MAGI2: variants seen among roughly 807,000 people sequenced by gnomAD.
The protein encoded by MAGI2 is membrane-associated guanylate kinase, WW and PDZ domain-containing protein 2.
MAGI2 carries 35 observed loss-of-function variants against 133.3 expected under a neutral mutation model. That is an observed-to-expected ratio of 0.26 (90% CI 0.20 to 0.35). MAGI2 has a LOEUF of 0.35. Ranked by LOEUF, MAGI2 falls within the 10% of genes least tolerant of loss-of-function variation. The pLI is 1.00. For missense variants in MAGI2, 1,636 were observed against 1,863.4 expected (o/e 0.88, Z 2.25); for synonymous variants, 729 against 710.6 (o/e 1.03, Z -0.41).
chr7:78,140,106 C>T (rs3807707), intron 16 of MAGI2, among the ~76,000 whole-genome samples: 71,981 of 151,880 alleles, frequency 0.47, 17,276 homozygotes, highest in African/African-American at 0.49. Flanking sequence ...TAGTCTACTC[C>T]GGCTCCTTCA....
At chr7:79,021,182 A>G (rs1157211219) in intron 1 of MAGI2, among the ~76,000 whole-genome samples, 1 of 152,264 alleles carries the variant, frequency 6.6e-6, no homozygotes, top group Non-Finnish European at 1.5e-5. Context: ...AGTCTGCTGC[A>G]TGGGTGGAGC....
rs187923085 is a variant in MAGI2, at chr7:78,424,165, A to G, written c.1046-54952T>C. Among the ~76,000 whole-genome samples the G allele has an allele frequency of 1.7e-3, 255 of 152,238 alleles. 1 individual carries two copies. The highest frequency in any genetic ancestry group is 5.9e-3 in the African/African-American group (244 of 41,558). On this transcript the variant is annotated intron_variant, in intron 6 of 21. Transcript: ENST00000354212. Reference sequence around the variant, plus strand: ...GGTCCCCCTGCTGTGTGCAGTCTACAGACTTGGTGCCCTGTGTCCCAGCCA... The same window carrying G: ...GGTCCCCCTGCTGTGTGCAGTCTACGGACTTGGTGCCCTGTGTCCCAGCCA...
At chr7:78,404,671 A>T (rs1409748041) in intron 6 of MAGI2, among the ~76,000 whole-genome samples, 2 of 152,218 alleles carry the variant, frequency 1.3e-5, no homozygotes, top group Admixed American at 6.5e-5. Flanking sequence ...AATTAATTCA[A>T]GATGGGTTAA....
intron 6 of MAGI2, among the ~76,000 whole-genome samples, chr7:78,415,979 G>A (rs999539842): frequency 6.6e-6 from 1 of 152,118 alleles, no homozygotes; most frequent in Non-Finnish European, 1.5e-5. Context: ...ATTGGTGGAA[G>A]TGGGTGGGGT....
At chr7:78,583,621 C>A (rs1427817596) in intron 3 of MAGI2, 4 of 152,080 alleles carry the variant, frequency 2.6e-5, no homozygotes, top group African/African-American at 9.7e-5. Context: ...TCTGTAGAAA[C>A]GTCAGTAAGA....
At chr7:78,899,757 T>C (rs1797470807) in intron 2 of MAGI2, among the ~76,000 whole-genome samples, 1 of 152,176 alleles carries the variant, frequency 6.6e-6, no homozygotes, top group African/African-American at 2.4e-5. Context: ...GATGATTCTG[T>C]CATATAGTCT....
intron 1 of MAGI2, among the ~76,000 whole-genome samples, chr7:79,230,315 G>C (rs978044286): frequency 2.6e-5 from 4 of 152,160 alleles, no homozygotes; most frequent in African/African-American, 4.8e-5. Context: ...CCAGTAATGG[G>C]ATGGCTGAGT....
At position 78,950,502 on chromosome 7, in the gene MAGI2, T is replaced by C. The variant is rs147809164; in HGVS notation, c.418+56588A>G. On this transcript the variant is annotated intron_variant, in intron 2 of 21. Transcript: ENST00000354212. ...TTACACATTTTTAGCACTGTTTTAT[T>C]CTGAAAGCAAGTGTTCATACATTTC... Among the ~76,000 whole-genome samples the C allele has an allele frequency of 5.7e-3, 861 of 152,310 alleles. 4 individuals are homozygous for C. Among genetic ancestry groups the C allele is most frequent in the Non-Finnish European group, 0.01 (682 of 68,024 alleles).
chr7:78,272,554 G>A (rs578215745), intron 9 of MAGI2, among the ~76,000 whole-genome samples: 74 of 151,894 alleles, frequency 4.9e-4, no homozygotes, highest in Non-Finnish European at 9.1e-4. Context: ...AAAGTCTCCC[G>A]TTATTATTGT....
At chr7:78,891,427 A>G (rs1440247191) in intron 2 of MAGI2, among the ~76,000 whole-genome samples, 1 of 152,202 alleles carries the variant, frequency 6.6e-6, no homozygotes, top group East Asian at 1.9e-4. Context: ...CACAACAGAA[A>G]AAGAGAATTT....
intron 2 of MAGI2, among the ~76,000 whole-genome samples, chr7:78,700,924 A>C (rs1469870325): frequency 6.6e-6 from 1 of 150,468 alleles, no homozygotes. Flanking sequence ...AAATTTAAAT[A>C]AATTTAGTAT....
At chr7:78,269,380 G>A (rs577725562) in intron 9 of MAGI2, among the ~76,000 whole-genome samples, 6 of 152,222 alleles carry the variant, frequency 3.9e-5, no homozygotes, top group African/African-American at 1.4e-4. Flanking sequence ...CACAATAGTT[G>A]AACTAATTAA....
intron 1 of MAGI2, among the ~76,000 whole-genome samples, chr7:79,315,325 A>ATTTTTTTTT (rs775143230): frequency 2.8e-4 from 26 of 92,444 alleles, no homozygotes; most frequent in African/African-American, 3.6e-4. Context: ...TGCCCAGTTA[A>ATTTTTTTTT]TTTTTTTTTT....
At chr7:78,661,110 A>G (rs1374660610) in intron 2 of MAGI2, among the ~76,000 whole-genome samples, 2 of 152,172 alleles carry the variant, frequency 1.3e-5, no homozygotes, top group Admixed American at 1.3e-4. Context: ...TTGTGAAGCA[A>G]TATTTCTGCA....
intron 3 of MAGI2, among the ~76,000 whole-genome samples, chr7:78,624,635 G>C (rs1808128070): frequency 6.6e-6 from 1 of 151,970 alleles, no homozygotes; most frequent in Non-Finnish European, 1.5e-5. Context: ...CCCACACTGG[G>C]GGCCTTTTGG....
At chr7:79,179,129 A>G (rs1826382993) in intron 1 of MAGI2, among the ~76,000 whole-genome samples, 1 of 151,960 alleles carries the variant, frequency 6.6e-6, no homozygotes, top group Admixed American at 6.6e-5. Context: ...AATGCACCAC[A>G]TATATATATT....
At chr7:78,044,951 G>A (rs557684836) in intron 21 of MAGI2, among the ~76,000 whole-genome samples, 24 of 152,270 alleles carry the variant, frequency 1.6e-4, no homozygotes, top group Admixed American at 1.1e-3. Context: ...GGTGGATCAC[G>A]AGGTCAAGAG....
chr7:79,292,122 T>G (rs892146716), intron 1 of MAGI2, among the ~76,000 whole-genome samples: 2 of 152,232 alleles, frequency 1.3e-5, no homozygotes, highest in African/African-American at 2.4e-5. Flanking sequence ...TTTTTTTACA[T>G]GTGGAAATCC....
chr7:78,591,529 T>C (rs952930504), intron 3 of MAGI2, among the ~76,000 whole-genome samples: 11 of 152,210 alleles, frequency 7.2e-5, no homozygotes, highest in Non-Finnish European at 1.2e-4. Context: ...GGATGATATA[T>C]GATGCCAATG....
Sources: gnomAD v4.1 joint callset for allele counts (sites outside exome capture counted in the v4.1 genomes callset) on GRCh38, gnomAD v4.1.1 for gene constraint, MANE v1.5 for transcripts, NCBI Gene and HGNC (gene_info 2026-07-23, HGNC 2026-07-21) for gene names.